SCCPDH: variants seen among roughly 807,000 people sequenced by gnomAD.
The protein encoded by SCCPDH is saccharopine dehydrogenase-like oxidoreductase.
A neutral mutation model predicts 51.5 loss-of-function variants in SCCPDH; 34 were observed. The ratio of observed to expected loss-of-function variants is 0.66; its 90% confidence interval spans 0.50 to 0.88. The LOEUF (loss-of-function observed/expected upper bound fraction) is 0.88, where lower values mean the gene tolerates loss of function less well. SCCPDH is among the 40% of genes least tolerant of loss of function. The pLI is 0.00. For synonymous variants in SCCPDH, 187 were observed against 191.3 expected (o/e 0.98, Z 0.19); for missense variants, 464 against 527.1 (o/e 0.88, Z 1.17).
intron 5 of SCCPDH, among the ~76,000 whole-genome samples, chr1:246,754,921 C>A (rs891316893): frequency 1.3e-5 from 2 of 151,860 alleles, no homozygotes; most frequent in African/African-American, 4.8e-5. Flanking sequence ...TTTTTCTATT[C>A]TGTTTCATTT....
intron 2 of SCCPDH, among the ~76,000 whole-genome samples, chr1:246,727,982 A>G (rs1291551418): frequency 6.6e-6 from 1 of 152,148 alleles, no homozygotes; most frequent in Non-Finnish European, 1.5e-5. Flanking sequence ...TTCTGAGTGG[A>G]AAAGTAGATA....
At chr1:246,733,478 G>C (rs1572293880) in intron 2 of SCCPDH, among the ~76,000 whole-genome samples, 1 of 134,528 alleles carries the variant, frequency 7.4e-6, no homozygotes, top group Non-Finnish European at 1.6e-5. Flanking sequence ...ATAGTCCGTA[G>C]CATCATATTT....
intron 11 of SCCPDH, 37 bp downstream of exon 11, chr1:246,766,176 T>A: frequency 7.1e-7 from 1 of 1,401,216 alleles, no homozygotes; most frequent in Non-Finnish European, 1.0e-6. Context: ...AGATCTTTTT[T>A]ATCTATGTTA....
intron 3 of SCCPDH, among the ~76,000 whole-genome samples, chr1:246,736,476 C>T (rs1668592099): frequency 6.6e-6 from 1 of 151,946 alleles, no homozygotes; most frequent in South Asian, 2.1e-4. Flanking sequence ...CCAAGGCGGG[C>T]AGATCATGAG....
intron 5 of SCCPDH, among the ~76,000 whole-genome samples, chr1:246,745,052 C>T (rs1032011953): frequency 1.3e-5 from 2 of 152,178 alleles, no homozygotes; most frequent in African/African-American, 4.8e-5. Context: ...AAAATTTTCA[C>T]CTTAGTGCAA....
intron 5 of SCCPDH, among the ~76,000 whole-genome samples, chr1:246,757,210 G>C (rs1668943679): frequency 6.6e-6 from 1 of 152,064 alleles, no homozygotes; most frequent in Non-Finnish European, 1.5e-5. Flanking sequence ...CAGGCATGGT[G>C]GTGGGCACCT....
At chr1:246,758,589 A>T (rs188376651) in intron 6 of SCCPDH, among the ~76,000 whole-genome samples, 3 of 152,356 alleles carry the variant, frequency 2.0e-5, no homozygotes, top group Non-Finnish European at 4.4e-5. Context: ...TAATTAATCC[A>T]TTACCATAAG....
At chr1:246,727,828 G>T (rs563406514) in intron 2 of SCCPDH, among the ~76,000 whole-genome samples, 1 of 152,164 alleles carries the variant, frequency 6.6e-6, no homozygotes, top group Non-Finnish European at 1.5e-5. Context: ...GTGGAGAGTG[G>T]ATCAGAGAGC....
At chr1:246,756,014 C>T (rs1668925525) in intron 5 of SCCPDH, among the ~76,000 whole-genome samples, 1 of 152,106 alleles carries the variant, frequency 6.6e-6, no homozygotes, top group South Asian at 2.1e-4. Flanking sequence ...TGTGGATGCC[C>T]TCACGGTTGG....
At chr1:246,760,101 A>T in intron 8 of SCCPDH, 25 bp downstream of exon 8, 1 of 1,597,934 alleles carries the variant, frequency 6.3e-7, no homozygotes. Context: ...ATGAAATTAG[A>T]TTATTTTTAT....
At chr1:246,737,030 G>T (rs1668602597) in intron 3 of SCCPDH, among the ~76,000 whole-genome samples, 1 of 152,076 alleles carries the variant, frequency 6.6e-6, no homozygotes, top group African/African-American at 2.4e-5. Flanking sequence ...CTGACCACAG[G>T]AAGTTATGTG....
At chr1:246,754,535 C>T (rs1425003001) in intron 5 of SCCPDH, among the ~76,000 whole-genome samples, 1 of 152,226 alleles carries the variant, frequency 6.6e-6, no homozygotes, top group Admixed American at 6.5e-5. Context: ...ACCCCTCAGA[C>T]ACCAAGTTAA....
chr1:246,752,604 C>T (rs558874246), intron 5 of SCCPDH, among the ~76,000 whole-genome samples: 1 of 152,042 alleles, frequency 6.6e-6, no homozygotes, highest in East Asian at 1.9e-4. Flanking sequence ...TTCTACTTCC[C>T]CAGGGGTTTT....
At position 246,767,823 on chromosome 1, in the gene SCCPDH, T is replaced by G. The variant is rs1168645297; in HGVS notation, c.*523T>G. ...TTACCTAAGTTGAAAAATAAAAGGT[T>G]GTCAATCGAATGGTGGTTTAATGTT... On this transcript the variant is annotated 3_prime_UTR_variant, in exon 12 of 12. Coordinates refer to ENST00000366510, the MANE Select transcript of SCCPDH (RefSeq NM_016002.3). The G allele has an allele frequency of 6.6e-6, 1 of 152,244 alleles. No individual in the cohort carries two copies. The highest frequency in any genetic ancestry group is 2.4e-5 in the African/African-American group (1 of 41,466). 9.4% of individuals were successfully genotyped at this position (152,244 alleles called of 1,614,324 possible).
chr1:246,760,160 T>G lies in SCCPDH; in HGVS notation c.934-11T>G. 1 of 1,600,092 alleles carries G rather than the reference T, an allele frequency of 6.2e-7. No homozygotes were observed. Among genetic ancestry groups the G allele is most frequent in the South Asian group, 1.2e-5 (1 of 86,174 alleles). ...AAAAAAATATCACTGACGGTTTTTTTTTCCCTTTAGTTCCCATGGTTCTTC... is the reference window on the plus strand; with the variant it reads ...AAAAAAATATCACTGACGGTTTTTTGTTCCCTTTAGTTCCCATGGTTCTTC... On this transcript the variant is annotated splice_polypyrimidine_tract_variant and intron_variant, in intron 8 of 11. Coordinates refer to ENST00000366510, the MANE Select transcript of SCCPDH (RefSeq NM_016002.3).
At chr1:246,748,044 CCT>C (rs1284953695) in intron 5 of SCCPDH, among the ~76,000 whole-genome samples, 2 of 152,116 alleles carry the variant, frequency 1.3e-5, no homozygotes, top group Non-Finnish European at 2.9e-5. Flanking sequence ...CAATTTCCCC[CCT>C]TTCAATTTTC....
At chr1:246,762,036 G>C (rs555940602) in intron 9 of SCCPDH, among the ~76,000 whole-genome samples, 6 of 152,184 alleles carry the variant, frequency 3.9e-5, no homozygotes, top group Non-Finnish European at 8.8e-5. Flanking sequence ...CAGTTTCTCT[G>C]CTTCCAAACC....
chr1:246,752,800 AGTTT>A (rs1668868777), intron 5 of SCCPDH, among the ~76,000 whole-genome samples: 1 of 152,014 alleles, frequency 6.6e-6, no homozygotes, highest in African/African-American at 2.4e-5. Context: ...CTCTCTGATA[AGTTT>A]GTTCCTGCCT....
chr1:246,726,473 A>C (rs1261756050), intron 1 of SCCPDH, among the ~76,000 whole-genome samples: 1 of 152,040 alleles, frequency 6.6e-6, no homozygotes, highest in African/African-American at 2.4e-5. Flanking sequence ...CCTGAGGTCA[A>C]GAGATCCTTG....
Sources: gnomAD v4.1 joint callset for allele counts (sites outside exome capture counted in the v4.1 genomes callset) on GRCh38, gnomAD v4.1.1 for gene constraint, MANE v1.5 for transcripts, NCBI Gene and HGNC (gene_info 2026-07-23, HGNC 2026-07-21) for gene names.